IDS: variants seen among roughly 807,000 people sequenced by gnomAD.
IDS encodes alpha-L-iduronate sulfate sulfatase.
IDS carries 1 observed loss-of-function variant against 33.5 expected under a neutral mutation model. The ratio of observed to expected loss-of-function variants is 0.03; its 90% CI spans 0.01 to 0.14. IDS has a LOEUF of 0.14. Among genes scored for constraint, IDS ranks in the 10% least tolerant of loss-of-function variants. IDS has a pLI of 1.00. For synonymous variants in IDS, 191 were observed against 184.4 expected, an observed-to-expected ratio of 1.04 and a Z score of -0.29; for missense variants, 328 against 448.0, an observed-to-expected ratio of 0.73 and a Z score of 2.42.
intron 6 of IDS, among the ~76,000 whole-genome samples, chrX:149,493,291 C>T (rs1433159871): frequency 1.8e-5 from 2 of 112,196 alleles, no homozygotes; most frequent in African/African-American, 6.5e-5. Flanking sequence ...GTGGAGCTGG[C>T]CAACAGTGAG....
At chrX:149,503,805 T>C (rs1418456397) in intron 2 of IDS, among the ~76,000 whole-genome samples, 1 of 112,304 alleles carries the variant, frequency 8.9e-6, no homozygotes, top group African/African-American at 3.2e-5. Context: ...AGGGCCACCC[T>C]GGCTAGCTCT....
intron 8 of IDS, among the ~76,000 whole-genome samples, chrX:149,483,901 A>C (rs782465600): frequency 1.3e-4 from 15 of 112,598 alleles, no homozygotes; most frequent in Non-Finnish European, 2.6e-4. Flanking sequence ...GAGTGGGATT[A>C]TACAGTATTT....
chrX:149,487,371 G>A, intron 7 of IDS: 1 of 880,176 alleles, frequency 1.1e-6, no homozygotes, highest in Non-Finnish European at 1.7e-6. Flanking sequence ...CAAACTACTA[G>A]CAACATATAC....
At chrX:149,492,499 G>A (rs782656556) in intron 6 of IDS, among the ~76,000 whole-genome samples, 2 of 111,567 alleles carry the variant, frequency 1.8e-5, no homozygotes, top group Non-Finnish European at 3.8e-5. Flanking sequence ...TGTGACTGGA[G>A]AATCAAATGG....
chrX:149,482,795 A>T lies in IDS; in HGVS notation c.1604T>A (p.Met535Lys), dbSNP rs782166680. 6 of 1,212,124 alleles carry T rather than the reference A, an allele frequency of 4.9e-6. No homozygotes were observed. The South Asian group carries it at 1.1e-4, about 21-fold the overall frequency. The change falls in exon 9 of 9, where the codon ATG becomes AAG. Residue 535 changes from methionine to lysine, a missense_variant. This residue lies in a region of IDS where 265 missense variants were observed against 339.2 expected (regional missense o/e 0.78). Coordinates refer to ENST00000340855, the MANE Select transcript of IDS (RefSeq NM_000202.8). Reference sequence around the variant, plus strand: ...ATCTCCACCTTGGGAATCATTATACATATTGTGATCCTGCAATGGGTCAGA... The same window carrying T: ...ATCTCCACCTTGGGAATCATTATACTTATTGTGATCCTGCAATGGGTCAGA... ...VDSDPLQDHN[M>K]YNDSQGGDLF...
At chrX:149,499,220 G>C (rs1396065347) in intron 4 of IDS, 1 of 110,303 alleles carries the variant, frequency 9.1e-6, no homozygotes, top group Non-Finnish European at 1.9e-5. Flanking sequence ...TGGGTGTGGT[G>C]GTGGGCACCT....
Position 149,482,922 on chromosome X carries a change from G to A in IDS, c.1477C>T (p.Arg493Cys), listed in dbSNP as rs782190885. The A allele has an allele frequency of 7.4e-6, 9 of 1,209,710 alleles. No homozygotes were observed. The highest frequency in any genetic ancestry group is 2.2e-5 in the Admixed American group (1 of 45,788). The change falls in exon 9 of 9, where the codon CGC becomes TGC. Residue 493 changes from arginine to cysteine, a missense_variant. By Grantham distance (180) the Arg-to-Cys change is radical (BLOSUM62 -3). This residue lies in a region of IDS where 265 missense variants were observed against 339.2 expected (regional missense o/e 0.78). Transcript: ENST00000340855. ...KDIKIMGYSI[R>C]TIDYRYTVWV... is the part of the protein sequence containing the mutation. ...ACAGTATACCTATAGTCTATGGTGC[G>A]TATGGAATAGCCCATGATCTTTATA...
chrX:149,502,593 C>T (rs1000977041), intron 3 of IDS: 5 of 124,230 alleles, frequency 4.0e-5, no homozygotes, highest in Admixed American at 1.6e-4. Flanking sequence ...TGAAAACATT[C>T]GTCATTCCCA....
At chrX:149,487,773 A>G (rs1446159045) in intron 7 of IDS, among the ~76,000 whole-genome samples, 2 of 108,201 alleles carry the variant, frequency 1.8e-5, no homozygotes, top group Admixed American at 2.0e-4. Flanking sequence ...CCAGTCTTTT[A>G]AAGTTACAGC....
chrX:149,491,447 C>A (rs2089390765), intron 6 of IDS: 18 of 630,676 alleles, frequency 2.9e-5, no homozygotes, highest in Middle Eastern at 6.1e-4. Flanking sequence ...GAGAAGAGAG[C>A]CGTGTCTTCG....
intron 6 of IDS, 39 bp downstream of exon 6, chrX:149,496,307 A>T (rs781901392): frequency 3.4e-5 from 39 of 1,133,242 alleles, no homozygotes; most frequent in Non-Finnish European, 4.6e-5. Flanking sequence ...ACACTATGTC[A>T]TCAGTGTCCA....
chrX:149,483,401 T>A (rs2089309595), intron 8 of IDS, among the ~76,000 whole-genome samples, 183 bp from the exon 9 acceptor site: 1 of 111,566 alleles, frequency 9.0e-6, no homozygotes, highest in Non-Finnish European at 1.9e-5. Flanking sequence ...TAATTACTCA[T>A]CCAATCAAAT....
chrX:149,504,433 G>T, intron 1 of IDS, 140 bp from the exon 2 acceptor site: 1 of 653,545 alleles, frequency 1.5e-6, no homozygotes, highest in Non-Finnish European at 2.4e-6. Flanking sequence ...CTGTGCCTCA[G>T]CAAGGGTGGG....
chrX:149,487,381 C>T lies in IDS; in HGVS notation c.1007-283G>A, dbSNP rs41302152. 6.1e-3 allele frequency: 4,927 copies of T among 806,805 alleles called. 26 individuals are homozygous for T. Among genetic ancestry groups the T allele is most frequent in the Non-Finnish European group, 8.0e-3 (4,265 of 533,571 alleles). The allele number at this position is 806,805 out of a possible 1,213,427, so 66.5% of individuals were successfully genotyped here. ...CTTAACAAACTACTAGCAACATATA[C>T]CTAACGTAGGACTCTGTGGCGGTTC... On this transcript the variant is annotated intron_variant, in intron 7 of 8. Transcript: ENST00000340855.
At chrX:149,488,674 G>A (rs1469803360) in intron 7 of IDS, among the ~76,000 whole-genome samples, 5 of 109,966 alleles carry the variant, frequency 4.5e-5, no homozygotes, top group Admixed American at 2.9e-4. Context: ...GCTGTGGACC[G>A]CCTGACTGCA....
chrX:149,482,440 C>A lies in IDS; in HGVS notation c.*306G>T. The A allele has an allele frequency of 3.5e-6, 1 of 286,017 alleles. No individual in the cohort carries two copies. The allele number at this position is 286,017 out of a possible 1,213,427, so 23.6% of individuals were successfully genotyped here. Reference sequence around the variant, plus strand: ...GGTTATTATGTATGGTCTTCGTATCCAAAGGTATGACATAACTTGAGTTTG... The same window carrying A: ...GGTTATTATGTATGGTCTTCGTATCAAAAGGTATGACATAACTTGAGTTTG... On this transcript the variant is annotated 3_prime_UTR_variant, in exon 9 of 9. Coordinates refer to ENST00000340855, the MANE Select transcript of IDS (RefSeq NM_000202.8).
Position 149,479,573 on chromosome X carries a change from T to C in IDS, c.*3173A>G, listed in dbSNP as rs1432748438. On this transcript the variant is annotated 3_prime_UTR_variant, in exon 9 of 9. Transcript: ENST00000340855. ...TTGGTCATCACAGCATTATTTACAA[T>C]ACTGAAAATCTGGAAATAGCCTAAA... The C allele has an allele frequency of 1.8e-5, 2 of 112,011 alleles. No homozygotes were observed. Among genetic ancestry groups the C allele is most frequent in the Non-Finnish European group, 3.8e-5 (2 of 53,247 alleles). 9.2% of individuals were successfully genotyped at this position (112,011 alleles called of 1,213,427 possible).
rs145807417 is a variant in IDS at position 149,490,395 on chromosome X, T to C, written c.925A>G (p.Thr309Ala). The C allele has an allele frequency of 9.1e-4, 1,098 of 1,209,156 alleles. 7 individuals carry two copies. The African/African-American group carries it at 0.016, about 18-fold the overall frequency. ...GCACTCAAGAGGCGGCCGACCTGTGTATCCAAATATGACACAGAGGCAAAG... is the reference window on the plus strand; with the variant it reads ...GCACTCAAGAGGCGGCCGACCTGTGCATCCAAATATGACACAGAGGCAAAG... ...SYFASVSYLDTQVGRLLSALD... is the reference protein window; with the variant it reads ...SYFASVSYLDAQVGRLLSALD... Residue 309 changes from threonine (T) to alanine (A), a missense_variant, in exon 7 of 9, where the codon ACA becomes GCA. By Grantham distance (58) the Thr-to-Ala change is moderately conservative. Coordinates refer to ENST00000340855, the MANE Select transcript of IDS (RefSeq NM_000202.8).
intron 8 of IDS, 100 bp from the exon 9 acceptor site, chrX:149,483,318 C>G (rs1337196764): frequency 3.2e-6 from 2 of 618,206 alleles, no homozygotes; most frequent in African/African-American, 4.5e-5. Context: ...CATATGTTTT[C>G]TTTTTTTAAT....
Sources: gnomAD v4.1 joint callset for allele counts (sites outside exome capture counted in the v4.1 genomes callset) on GRCh38, gnomAD v4.1.1 for gene constraint, gnomAD v4.1.1 regional missense constraint, MANE v1.5 for transcripts, NCBI Gene and HGNC (gene_info 2026-07-23, HGNC 2026-07-21) for gene names.